Variants in MRTFB observed in about 807,000 individuals in gnomAD.
MRTFB encodes myocardin related transcription factor B.
A neutral mutation model predicts 104.2 loss-of-function variants in MRTFB; 29 were observed. That is an observed-to-expected ratio of 0.28 (90% CI 0.21 to 0.38). The LOEUF is 0.38. MRTFB is among the 10% of genes least tolerant of loss of function. The probability of loss-of-function intolerance (pLI) is 1.00; values close to 1 mark genes in which losing one functional copy is unlikely to be tolerated. For synonymous variants in MRTFB, 535 were observed against 519.5 expected (o/e 1.03, Z -0.41); for missense variants, 1,270 against 1,341.6 (o/e 0.95, Z 0.83).
At chr16:14,246,407 A>G (rs2043018902) in intron 11 of MRTFB, 66 bp from the exon 12 acceptor site, 1 of 1,526,276 alleles carries the variant, frequency 6.6e-7, no homozygotes, top group Admixed American at 1.8e-5. Flanking sequence ...TTCCCATCAC[A>G]AAAGCGTACT....
the MRTFB span, among the ~76,000 whole-genome samples, chr16:14,026,177 A>G: frequency 2.0e-5 from 3 of 152,224 alleles, no homozygotes; most frequent in Admixed American, 2.0e-4. Context: ...AATAATATTG[A>G]AAAAGAAATT....
chr16:14,008,645 GA>G, the MRTFB span, among the ~76,000 whole-genome samples: 1 of 152,080 alleles, frequency 6.6e-6, no homozygotes, highest in Non-Finnish European at 1.5e-5. Flanking sequence ...TGTTCTTTTT[GA>G]AGGTTAACTG....
chr16:14,147,597 C>T (rs769622440), intron 3 of MRTFB, among the ~76,000 whole-genome samples: 4 of 152,100 alleles, frequency 2.6e-5, no homozygotes, highest in African/African-American at 7.2e-5. Context: ...GTGTTTGGAG[C>T]GAGGGAGGGG....
chr16:14,217,067 A>AGGG (rs2041460527), intron 6 of MRTFB, 59 bp from the exon 7 acceptor site: 10 of 1,498,260 alleles, frequency 6.7e-6, no homozygotes, highest in African/African-American at 5.6e-5. Flanking sequence ...GCCTGAAATA[A>AGGG]CATTATGGAA....
intron 1 of MRTFB, among the ~76,000 whole-genome samples, chr16:14,071,576 C>T (rs1286483484): frequency 6.6e-6 from 1 of 151,922 alleles, no homozygotes; most frequent in African/African-American, 2.4e-5. Context: ...CCGGTGCCTC[C>T]TTCAACCGGT....
At chr16:14,111,681 A>G (rs1322825309) in intron 2 of MRTFB, among the ~76,000 whole-genome samples, 1 of 152,138 alleles carries the variant, frequency 6.6e-6, no homozygotes, top group Non-Finnish European at 1.5e-5. Context: ...AGAGGCAAAC[A>G]AGAGGGAGGG....
At chr16:14,218,109 G>T (rs2041507179) in intron 7 of MRTFB, among the ~76,000 whole-genome samples, 1 of 152,086 alleles carries the variant, frequency 6.6e-6, no homozygotes, top group Non-Finnish European at 1.5e-5. Flanking sequence ...TCCCAGGCTG[G>T]AGTGCAGTGG....
intron 1 of MRTFB, among the ~76,000 whole-genome samples, chr16:14,072,768 A>AGGG (rs1421911623): frequency 2.6e-5 from 4 of 152,230 alleles, no homozygotes; most frequent in African/African-American, 9.7e-5. Context: ...AAAGAGAGAA[A>AGGG]CAACCTAGAT....
At chr16:14,169,552 G>C (rs2039356557) in intron 3 of MRTFB, among the ~76,000 whole-genome samples, 1 of 151,712 alleles carries the variant, frequency 6.6e-6, no homozygotes, top group Admixed American at 6.6e-5. Flanking sequence ...ATATTCTCCT[G>C]GTCTGTGGCT....
intron 3 of MRTFB, among the ~76,000 whole-genome samples, chr16:14,202,349 A>G (rs2040744748): frequency 6.6e-6 from 1 of 152,160 alleles, no homozygotes; most frequent in Non-Finnish European, 1.5e-5. Flanking sequence ...TCTTTTTAAA[A>G]TCTCTTTTTA....
At position 14,221,685 on chromosome 16, in the gene MRTFB, T is replaced by G. The variant is rs2041714198; in HGVS notation, c.693+2687T>G. Among the ~76,000 whole-genome samples, 3 of 152,126 alleles carry G rather than the reference T, an allele frequency of 2.0e-5. No individual in the cohort carries two copies. The South Asian group carries it at 6.2e-4, about 32-fold the overall frequency. ...ATTTTTAATCTTGAAAATAACTCAT[T>G]GTAAGAGTTTGATGGTAAATTTCAT... On this transcript the variant is annotated intron_variant, in intron 8 of 16. Coordinates refer to ENST00000571589, the MANE Select transcript of MRTFB (RefSeq NM_001308142.2).
intron 9 of MRTFB, among the ~76,000 whole-genome samples, chr16:14,239,936 A>T (rs554977796): frequency 6.6e-6 from 1 of 152,308 alleles, no homozygotes; most frequent in East Asian, 1.9e-4. Context: ...ATGTGTAAGC[A>T]CTTGGTAGTG....
rs2043865476 is a variant in MRTFB at position 14,264,030 on chromosome 16, G to A, written c.*2586G>A. 1 of 152,224 alleles carries A rather than the reference G, an allele frequency of 6.6e-6. No individual in the cohort carries two copies. The highest frequency in any genetic ancestry group is 2.4e-5 in the African/African-American group (1 of 41,446). The allele number at this position is 152,224 out of a possible 1,614,324, so 9.4% of individuals were successfully genotyped here. A position where few individuals can be genotyped will look rare whatever the true frequency, so the allele number is the denominator to read the frequency against. On this transcript the variant is annotated 3_prime_UTR_variant, in exon 17 of 17. Coordinates refer to ENST00000571589, the MANE Select transcript of MRTFB (RefSeq NM_001308142.2). The stretch of plus-strand genomic sequence containing the variant: ...CAAGGCCCTTCTGACCGGACTCAGT[G>A]CGTGTGATGGTGAGTGCAATGAGGA...
intron 3 of MRTFB, among the ~76,000 whole-genome samples, chr16:14,165,592 G>A (rs1016351250): frequency 6.6e-6 from 1 of 152,022 alleles, no homozygotes; most frequent in Non-Finnish European, 1.5e-5. Flanking sequence ...CTTGGGACTT[G>A]GTATTTTTGT....
intron 2 of MRTFB, among the ~76,000 whole-genome samples, chr16:14,093,357 AT>A (rs1455971979): frequency 6.6e-6 from 1 of 151,888 alleles, no homozygotes; most frequent in Non-Finnish European, 1.5e-5. Flanking sequence ...AACTGCATAT[AT>A]TTTGTGTTTT....
the MRTFB span, among the ~76,000 whole-genome samples, chr16:14,036,283 A>C: frequency 3.9e-5 from 3 of 77,634 alleles, no homozygotes; most frequent in Non-Finnish European, 7.5e-5. Context: ...ATTTATATGT[A>C]TTTTATATAT....
At chr16:14,217,592 T>C (rs1050289999) in intron 7 of MRTFB, among the ~76,000 whole-genome samples, 12 of 152,210 alleles carry the variant, frequency 7.9e-5, no homozygotes, top group Non-Finnish European at 1.5e-5. Flanking sequence ...TGCTTACAGT[T>C]CTTGACTACA....
chr16:14,249,592 C>T (rs2043169144), intron 13 of MRTFB, among the ~76,000 whole-genome samples: 2 of 152,164 alleles, frequency 1.3e-5, no homozygotes, highest in East Asian at 1.9e-4. Context: ...TGGCCTCATG[C>T]AGAATTCACT....
At chr16:14,193,785 G>T (rs1372109651) in intron 3 of MRTFB, 2 of 152,152 alleles carry the variant, frequency 1.3e-5, no homozygotes, top group African/African-American at 4.8e-5. Flanking sequence ...AAAGGAAAAA[G>T]GCACATCAAA....
Sources: allele counts gnomAD v4.1 joint callset (sites outside exome capture counted in the v4.1 genomes callset), GRCh38; gene constraint gnomAD v4.1.1; transcripts MANE v1.5; gene names NCBI Gene and HGNC (gene_info 2026-07-23, HGNC 2026-07-21).